PTPRD: variants seen among roughly 807,000 people sequenced by gnomAD.
The protein encoded by PTPRD is receptor-type tyrosine-protein phosphatase delta.
Under a neutral mutation model 214.5 loss-of-function variants are expected in PTPRD, and 34 were observed. That is an observed-to-expected ratio of 0.16 (90% CI 0.12 to 0.21). PTPRD has a LOEUF of 0.21. Among genes scored for constraint, PTPRD ranks in the 10% least tolerant of loss-of-function variants. PTPRD has a pLI of 1.00. For missense variants in PTPRD, 2,545 were observed against 2,398.7 expected, an observed-to-expected ratio of 1.06 and a Z score of -1.27; for synonymous variants, 1,128 against 845.7, an observed-to-expected ratio of 1.33 and a Z score of -5.79.
intron 23 of PTPRD, among the ~76,000 whole-genome samples, chr9:8,503,485 G>A (rs534271477): frequency 3.9e-5 from 6 of 152,068 alleles, no homozygotes; most frequent in African/African-American, 1.4e-4. Context: ...CTAATAAAAA[G>A]CAATTAATAA....
intron 9 of PTPRD, among the ~76,000 whole-genome samples, chr9:9,236,837 C>T (rs1374662261): frequency 6.6e-6 from 1 of 152,038 alleles, no homozygotes; most frequent in Non-Finnish European, 1.5e-5. Flanking sequence ...CCCACTGTGG[C>T]TAAGCAAATT....
At chr9:8,621,741 A>G (rs2095833689) in intron 14 of PTPRD, among the ~76,000 whole-genome samples, 1 of 151,900 alleles carries the variant, frequency 6.6e-6, no homozygotes, top group African/African-American at 2.4e-5. Context: ...ATGTCAGTTT[A>G]TAACAAGCTT....
rs564199707 is a variant in PTPRD, at chr9:9,865,234, T to C, written c.-368+73273A>G. Among the ~76,000 whole-genome samples the C allele has an allele frequency of 1.1e-3, 164 of 152,368 alleles. 5 individuals carry two copies. The highest frequency in any genetic ancestry group is 1.8e-3 in the Admixed American group (28 of 15,308). ...ACATTTGAAAATCAGGTTACTGCTA[T>C]TGTTTAAACGTCCCTTCCAAAAGTC... On this transcript the variant is annotated intron_variant, in intron 5 of 45. Coordinates refer to ENST00000381196, the MANE Select transcript of PTPRD (RefSeq NM_002839.4).
chr9:8,563,420 A>G (rs1366159495), intron 14 of PTPRD, among the ~76,000 whole-genome samples: 1 of 151,640 alleles, frequency 6.6e-6, no homozygotes, highest in Non-Finnish European at 1.5e-5. Flanking sequence ...TCCTACTTAC[A>G]AAGTTTTGAT....
At chr9:9,744,067 C>G (rs576413522) in intron 6 of PTPRD, among the ~76,000 whole-genome samples, 5 of 152,008 alleles carry the variant, frequency 3.3e-5, no homozygotes, top group Non-Finnish European at 5.9e-5. Context: ...AACTTAACAG[C>G]GTTTCTTTAA....
chr9:9,890,873 T>C (rs1186465100), intron 5 of PTPRD, among the ~76,000 whole-genome samples: 2 of 152,142 alleles, frequency 1.3e-5, no homozygotes, highest in Non-Finnish European at 2.9e-5. Flanking sequence ...TTCTCTCTTA[T>C]CCTATTTAAT....
chr9:9,434,217 A>C (rs368082965), intron 8 of PTPRD, among the ~76,000 whole-genome samples: 2 of 152,156 alleles, frequency 1.3e-5, no homozygotes, highest in Non-Finnish European at 2.9e-5. Flanking sequence ...CAGTGCCTAG[A>C]TCTCTCTGAG....
chr9:8,548,867 T>C (rs1218638962), intron 14 of PTPRD, among the ~76,000 whole-genome samples: 2 of 151,762 alleles, frequency 1.3e-5, no homozygotes, highest in Non-Finnish European at 2.9e-5. Flanking sequence ...GCTAATTTTG[T>C]ATTTTTAGTA....
chr9:9,419,399 G>A (rs1338659127), intron 8 of PTPRD, among the ~76,000 whole-genome samples: 1 of 151,522 alleles, frequency 6.6e-6, no homozygotes, highest in Non-Finnish European at 1.5e-5. Flanking sequence ...ATACTGTAGG[G>A]TTATATTAAT....
chr9:10,188,815 A>G (rs182382579), intron 3 of PTPRD, among the ~76,000 whole-genome samples: 7 of 152,292 alleles, frequency 4.6e-5, no homozygotes, highest in Non-Finnish European at 7.4e-5. Context: ...AAAAGACACT[A>G]TGAGTACAAC....
intron 2 of PTPRD, among the ~76,000 whole-genome samples, chr9:10,467,758 A>G (rs1357870886): frequency 6.6e-6 from 1 of 152,222 alleles, no homozygotes; most frequent in Non-Finnish European, 1.5e-5. Context: ...ATAAAAGGAT[A>G]GCTACATAGA....
intron 37 of PTPRD, among the ~76,000 whole-genome samples, chr9:8,377,158 C>G (rs2083487574): frequency 6.6e-6 from 1 of 151,998 alleles, no homozygotes; most frequent in South Asian, 2.1e-4. Flanking sequence ...TCCAAATATG[C>G]TTGTTTAAAG....
chr9:10,508,842 T>C (rs368341299), intron 2 of PTPRD, among the ~76,000 whole-genome samples: 2 of 152,058 alleles, frequency 1.3e-5, no homozygotes, highest in Non-Finnish European at 2.9e-5. Flanking sequence ...ATACCTAATA[T>C]AAATGACGAG....
At chr9:10,151,274 T>G (rs2099059352) in intron 3 of PTPRD, among the ~76,000 whole-genome samples, 1 of 135,406 alleles carries the variant, frequency 7.4e-6, no homozygotes, top group Non-Finnish European at 1.6e-5. Context: ...TTTTTTTTTT[T>G]TTTTTTGAGA....
At chr9:8,953,848 C>A (rs1239712313) in intron 11 of PTPRD, among the ~76,000 whole-genome samples, 1 of 151,774 alleles carries the variant, frequency 6.6e-6, no homozygotes, top group African/African-American at 2.4e-5. Flanking sequence ...TGAAAAATAA[C>A]AGATATTGGC....
At chr9:9,251,009 C>T (rs1056333696) in intron 9 of PTPRD, among the ~76,000 whole-genome samples, 2 of 151,994 alleles carry the variant, frequency 1.3e-5, no homozygotes, top group Non-Finnish European at 2.9e-5. Flanking sequence ...TTGAAATTGA[C>T]CCTCTTTTCC....
intron 36 of PTPRD, among the ~76,000 whole-genome samples, chr9:8,398,088 C>G (rs993321094): frequency 5.3e-5 from 8 of 152,068 alleles, no homozygotes; most frequent in African/African-American, 1.9e-4. Context: ...TTCCATAGAT[C>G]ACATATCAAA....
chr9:9,526,621 T>G lies in PTPRD; in HGVS notation c.-237+48111A>C, dbSNP rs536567056. Among the ~76,000 whole-genome samples the G allele has an allele frequency of 5.9e-5, 9 of 152,280 alleles. No homozygotes were observed. The South Asian group carries it at 1.9e-3, about 32-fold the overall frequency. On this transcript the variant is annotated intron_variant, in intron 8 of 45. Transcript: ENST00000381196. ...TTTGTCCTGTAATTGGACATAACTT[T>G]AATGCCACATTAAATTAGTAAAGAT...
chr9:8,567,418 A>C (rs1187415402), intron 14 of PTPRD, among the ~76,000 whole-genome samples: 1 of 152,108 alleles, frequency 6.6e-6, no homozygotes, highest in Non-Finnish European at 1.5e-5. Context: ...AACGTGTCCT[A>C]CTCACCTGCT....
Sources: allele counts gnomAD v4.1 joint callset (sites outside exome capture counted in the v4.1 genomes callset), GRCh38; gene constraint gnomAD v4.1.1; transcripts MANE v1.5; gene names NCBI Gene and HGNC (gene_info 2026-07-23, HGNC 2026-07-21).